CMIP: variants seen among roughly 807,000 people sequenced by gnomAD.
CMIP encodes C-Maf-inducing protein.
CMIP carries 13 observed loss-of-function variants against 97.3 expected under a neutral mutation model. That is an observed-to-expected ratio of 0.13 (90% confidence interval 0.09 to 0.21). The LOEUF is 0.21. Among genes scored for constraint, CMIP ranks in the 10% least tolerant of loss-of-function variants. The probability of loss-of-function intolerance (pLI) is 1.00; values close to 1 mark genes in which losing one functional copy is unlikely to be tolerated. For missense variants in CMIP, 847 were observed against 1,024.9 expected, an observed-to-expected ratio of 0.83 and a Z score of 2.37; for synonymous variants, 538 against 436.3, an observed-to-expected ratio of 1.23 and a Z score of -2.91.
chr16:81,647,448 TAGTTC>T (rs1268933064), intron 3 of CMIP, among the ~76,000 whole-genome samples: 1 of 152,140 alleles, frequency 6.6e-6, no homozygotes, highest in Non-Finnish European at 1.5e-5. Flanking sequence ...CCGCATGCTA[TAGTTC>T]ACCAACCCTG....
In CMIP at chr16:81,705,573, G is replaced by T; in HGVS notation, c.2166G>T (p.Pro722=). 6.2e-7 allele frequency: 1 copy of T among 1,607,544 alleles called. No individual in the cohort carries two copies. ...MLQVLNLCET[P]VTDAGLLALS... Reference sequence around the variant, plus strand: ...AGGTGCTGAACCTGTGCGAGACCCCGGTCACAGACGCTGGCCTGCTGGCCC... The same window carrying T: ...AGGTGCTGAACCTGTGCGAGACCCCTGTCACAGACGCTGGCCTGCTGGCCC... Residue 722 remains proline, a synonymous_variant, in exon 19 of 21, where the codon CCG becomes CCT. Coordinates refer to ENST00000537098, the MANE Select transcript of CMIP (RefSeq NM_198390.3).
intron 1 of CMIP, among the ~76,000 whole-genome samples, chr16:81,587,131 C>T (rs574002033): frequency 6.8e-4 from 103 of 152,250 alleles, no homozygotes; most frequent in African/African-American, 2.3e-3. Flanking sequence ...AACAGAAATG[C>T]AGAAGGGCAG....
At chr16:81,482,621 C>G (rs1374373028) in intron 1 of CMIP, among the ~76,000 whole-genome samples, 1 of 152,114 alleles carries the variant, frequency 6.6e-6, no homozygotes, top group Admixed American at 6.5e-5. Flanking sequence ...AAGCCCCTGC[C>G]CCTCCCCCAC....
Position 81,614,201 on chromosome 16 carries a change from G to T in CMIP, c.426+6509G>T, listed in dbSNP as rs905585894. On this transcript the variant is annotated intron_variant, in intron 2 of 20. Transcript: ENST00000537098. The surrounding 1 kb of genome is among the most constrained non-coding windows in gnomAD (Gnocchi z 5.3). ...GGGGTGACAGCAGAATGTTCCTGGT[G>T]GGGGAGTACACGCTGCATGGAAGCC... 1.1e-4 allele frequency among the ~76,000 whole-genome samples: 17 copies of T among 152,190 alleles called. No individual in the cohort carries two copies. Among genetic ancestry groups the T allele is most frequent in the African/African-American group, 4.1e-4 (17 of 41,452 alleles).
At chr16:81,603,430 T>C (rs1350983927) in intron 1 of CMIP, 2 of 454,508 alleles carry the variant, frequency 4.4e-6, no homozygotes, top group South Asian at 1.6e-5. Context: ...GTTTGAGATG[T>C]ATAGGAAAGC....
chr16:81,451,978 G>C (rs560069766), intron 1 of CMIP, among the ~76,000 whole-genome samples: 1 of 152,366 alleles, frequency 6.6e-6, no homozygotes, highest in East Asian at 1.9e-4. Context: ...GCTTACATCA[G>C]CAGAGCCCTA....
intron 1 of CMIP, among the ~76,000 whole-genome samples, chr16:81,505,398 C>T (rs1000544397): frequency 6.6e-6 from 1 of 152,212 alleles, no homozygotes; most frequent in Non-Finnish European, 1.5e-5. Context: ...CCAGACCCCA[C>T]GCCTGGAGAG....
At chr16:81,591,444 G>A (rs1597123303) in intron 1 of CMIP, among the ~76,000 whole-genome samples, 1 of 152,294 alleles carries the variant, frequency 6.6e-6, no homozygotes, top group East Asian at 1.9e-4. Flanking sequence ...GAGGCAGAGT[G>A]CCCTTCTTTC....
intron 3 of CMIP, among the ~76,000 whole-genome samples, chr16:81,636,688 T>A (rs1344777986): frequency 1.3e-5 from 2 of 152,058 alleles, no homozygotes; most frequent in Admixed American, 1.3e-4. Flanking sequence ...TTGGAGAGTT[T>A]TTTCCTTTAT....
chr16:81,669,877 A>G (rs2092664972), intron 7 of CMIP, among the ~76,000 whole-genome samples: 1 of 152,120 alleles, frequency 6.6e-6, no homozygotes. Flanking sequence ...TTGTCTCACA[A>G]GTGCCTTTTG....
At chr16:81,666,065 A>G (rs1275491020) in intron 7 of CMIP, 1 of 152,228 alleles carries the variant, frequency 6.6e-6, no homozygotes, top group Non-Finnish European at 1.5e-5. Flanking sequence ...CTCCAGGACA[A>G]GGAGACTCCC....
At chr16:81,557,955 C>G (rs2090799720) in intron 1 of CMIP, among the ~76,000 whole-genome samples, 1 of 152,176 alleles carries the variant, frequency 6.6e-6, no homozygotes, top group African/African-American at 2.4e-5. Context: ...TCCCCATTCC[C>G]CTCCCCGAGC....
chr16:81,696,982 C>A, intron 14 of CMIP: 1 of 407,306 alleles, frequency 2.5e-6, no homozygotes, highest in Non-Finnish European at 4.5e-6. Context: ...GCCGTTACTG[C>A]CTAAGGTCAC....
intron 1 of CMIP, among the ~76,000 whole-genome samples, chr16:81,484,017 T>G (rs2089274164): frequency 6.6e-6 from 1 of 152,140 alleles, no homozygotes; most frequent in African/African-American, 2.4e-5. Flanking sequence ...CTTAATAAAT[T>G]AGTTAATATT....
intron 1 of CMIP, among the ~76,000 whole-genome samples, chr16:81,582,912 C>T (rs906117256): frequency 2.0e-5 from 3 of 152,248 alleles, no homozygotes; most frequent in Admixed American, 2.0e-4. Flanking sequence ...ATTCGGGGGC[C>T]AGCAGCTCTC....
At chr16:81,697,263 C>G (rs1422641743) in intron 14 of CMIP, 1 of 152,954 alleles carries the variant, frequency 6.5e-6, no homozygotes, top group Non-Finnish European at 1.5e-5. Context: ...TGAATTACAC[C>G]TCTGTTGAAA....
At chr16:81,688,605 G>A (rs1295919580) in intron 10 of CMIP, among the ~76,000 whole-genome samples, 2 of 152,190 alleles carry the variant, frequency 1.3e-5, no homozygotes, top group Non-Finnish European at 2.9e-5. Flanking sequence ...AAGTCTCCGT[G>A]ACATCGGAGC....
rs75684865 is a variant in CMIP, at chr16:81,601,588, G to C, written c.301-5979G>C. Among the ~76,000 whole-genome samples, 23 of 152,320 alleles carry C rather than the reference G, an allele frequency of 1.5e-4. 1 individual carries two copies. The East Asian group carries it at 4.4e-3, about 29-fold the overall frequency. On this transcript the variant is annotated intron_variant, in intron 1 of 20. Coordinates refer to ENST00000537098, the MANE Select transcript of CMIP (RefSeq NM_198390.3). ...ATCCAGCATTGTGTGCCACTGGACA[G>C]GGGGCTCACCTGGAAACAGGCAGAG...
At chr16:81,479,322 C>T (rs1908119585) in intron 1 of CMIP, among the ~76,000 whole-genome samples, 1 of 152,150 alleles carries the variant, frequency 6.6e-6, no homozygotes, top group Admixed American at 6.5e-5. Flanking sequence ...GGACTGTCAG[C>T]ATGTGACCTT....
Sources: gnomAD v4.1 joint callset for allele counts (sites outside exome capture counted in the v4.1 genomes callset) on GRCh38, gnomAD v4.1.1 for gene constraint, Gnocchi (gnomAD v3.1) non-coding constraint, MANE v1.5 for transcripts, NCBI Gene and HGNC (gene_info 2026-07-23, HGNC 2026-07-21) for gene names.